The following RIT2 variants were observed in gnomAD, a reference collection of about 807,000 sequenced individuals.
The protein encoded by RIT2 is Ras like without CAAX 2, also known as GTP-binding protein Rit2.
A neutral mutation model predicts 23.7 loss-of-function variants in RIT2; 24 were observed. The ratio of observed to expected loss-of-function variants is 1.01; its 90% CI spans 0.73 to 1.43. The LOEUF (loss-of-function observed/expected upper bound fraction) is 1.43, where lower values mean the gene tolerates loss of function less well. Among genes scored for constraint, RIT2 ranks in the 40% most tolerant of loss-of-function variants. RIT2 has a pLI of 0.00. For missense variants in RIT2, 236 were observed against 266.9 expected (o/e 0.88, Z 0.81); for synonymous variants, 107 against 91.1 (o/e 1.17, Z -0.99).
rs915164359 is a variant in RIT2 at position 42,774,573 on chromosome 18, T to C, written c.427-30853A>G. On this transcript the variant is annotated intron_variant, in intron 4 of 4. Coordinates refer to ENST00000326695, the MANE Select transcript of RIT2 (RefSeq NM_002930.4). Reference sequence around the variant, plus strand: ...ACACAGAGAAATCAGGTCAATCAGGTAGACAGGGATATTTTTTTTGAACAT... The same window carrying C: ...ACACAGAGAAATCAGGTCAATCAGGCAGACAGGGATATTTTTTTTGAACAT... 3.3e-5 allele frequency among the ~76,000 whole-genome samples: 5 copies of C among 151,288 alleles called. No homozygotes were observed. The South Asian group carries it at 1.0e-3, about 32-fold the overall frequency.
rs35389876 is a variant in RIT2, at chr18:42,763,461, CA to C, written c.427-19742del. The stretch of plus-strand genomic sequence containing the variant: ...TGGGCAACAGAGCGAGACTCCGTCT[CA>C]AAAAAAAAAAAAAAGGTACACCTGT... On this transcript the variant is annotated intron_variant, in intron 4 of 4. Transcript: ENST00000326695. Among the ~76,000 whole-genome samples the C allele has an allele frequency of 6.0e-3, 829 of 137,634 alleles. 8 individuals are homozygous for C. Among genetic ancestry groups the C allele is most frequent in the African/African-American group, 0.021 (773 of 37,148 alleles). 90.3% of individuals were successfully genotyped at this position (137,634 alleles called of 152,430 possible). A position where few individuals can be genotyped will look rare whatever the true frequency, so the allele number is the denominator to read the frequency against.
In RIT2 at chr18:42,877,520, C is replaced by CTATATATATATA. The variant is rs144405918; in HGVS notation, c.426+46040_426+46051dup. Reference sequence around the variant, plus strand: ...TATCTCTGTTTTGTGTTTGTATACACTATATATATATATATATATATGCAT... The same window carrying CTATATATATATA: ...TATCTCTGTTTTGTGTTTGTATACACTATATATATATATATATATATATATATATATATGCAT... On this transcript the variant is annotated intron_variant, in intron 4 of 4. Transcript: ENST00000326695. 2.9e-3 allele frequency among the ~76,000 whole-genome samples: 414 copies of CTATATATATATA among 143,768 alleles called. 3 individuals are homozygous for CTATATATATATA. Among genetic ancestry groups the CTATATATATATA allele is most frequent in the Middle Eastern group, 7.2e-3 (2 of 278 alleles). 94.3% of individuals were successfully genotyped at this position (143,768 alleles called of 152,430 possible). A position where few individuals can be genotyped will look rare whatever the true frequency, so the allele number is the denominator to read the frequency against.
intron 4 of RIT2, among the ~76,000 whole-genome samples, chr18:42,851,910 G>C (rs1408159155): frequency 6.6e-6 from 1 of 152,130 alleles, no homozygotes; most frequent in East Asian, 1.9e-4. Context: ...ACTCCCATGG[G>C]TAATATTTGC....
chr18:43,042,930 C>T (rs4538092), intron 1 of RIT2, among the ~76,000 whole-genome samples: 132,654 of 152,082 alleles, frequency 0.87, 58,772 homozygotes, highest in Non-Finnish European at 0.97. Context: ...TAGATAAATA[C>T]AGCATTTTCA....
chr18:42,995,402 C>A (rs768989644), intron 2 of RIT2, among the ~76,000 whole-genome samples: 4 of 152,126 alleles, frequency 2.6e-5, no homozygotes, highest in Non-Finnish European at 5.9e-5. Flanking sequence ...ACTTTCACTG[C>A]ATAGGTAGAG....
At chr18:42,835,395 A>G (rs1245246900) in intron 4 of RIT2, among the ~76,000 whole-genome samples, 1 of 152,098 alleles carries the variant, frequency 6.6e-6, no homozygotes, top group Non-Finnish European at 1.5e-5. Flanking sequence ...TGTAAAAAAT[A>G]TTTCTGGAAA....
At chr18:43,111,970 T>G (rs1913964074) in intron 1 of RIT2, among the ~76,000 whole-genome samples, 1 of 151,576 alleles carries the variant, frequency 6.6e-6, no homozygotes, top group African/African-American at 2.4e-5. Flanking sequence ...CAATATTACA[T>G]ATAATTATAA....
At chr18:42,918,597 T>G (rs1388959221) in intron 4 of RIT2, among the ~76,000 whole-genome samples, 1 of 152,156 alleles carries the variant, frequency 6.6e-6, no homozygotes, top group African/African-American at 2.4e-5. Flanking sequence ...TTTTTTAAGT[T>G]TGAGTGGTAT....
intron 1 of RIT2, among the ~76,000 whole-genome samples, chr18:43,084,608 C>T (rs1227127275): frequency 6.6e-6 from 1 of 152,134 alleles, no homozygotes; most frequent in Admixed American, 6.5e-5. Context: ...TGGAAACCAT[C>T]ATTCTCAGCA....
At chr18:43,112,060 C>T (rs1027868924) in intron 1 of RIT2, among the ~76,000 whole-genome samples, 6 of 151,930 alleles carry the variant, frequency 3.9e-5, no homozygotes, top group East Asian at 1.9e-4. Context: ...AAGATTAAAG[C>T]GGCATAGATG....
intron 1 of RIT2, among the ~76,000 whole-genome samples, chr18:43,098,331 T>C (rs1407469657): frequency 6.6e-6 from 1 of 151,872 alleles, no homozygotes; most frequent in Non-Finnish European, 1.5e-5. Flanking sequence ...AACCAGGGGT[T>C]TAGAAATCAG....
chr18:42,860,600 G>C (rs1263243376), intron 4 of RIT2, among the ~76,000 whole-genome samples: 1 of 152,298 alleles, frequency 6.6e-6, no homozygotes, highest in Middle Eastern at 3.4e-3. Context: ...ATTAGGAAGA[G>C]GATGGGGAGA....
intron 2 of RIT2, among the ~76,000 whole-genome samples, chr18:42,990,955 A>G (rs1333631812): frequency 6.7e-6 from 1 of 148,244 alleles, no homozygotes; most frequent in Non-Finnish European, 1.5e-5. Context: ...AGGAGTACAG[A>G]GATTTTCTTT....
At chr18:42,850,696 T>C (rs1907029128) in intron 4 of RIT2, among the ~76,000 whole-genome samples, 1 of 152,184 alleles carries the variant, frequency 6.6e-6, no homozygotes, top group Non-Finnish European at 1.5e-5. Flanking sequence ...AATATCTACC[T>C]TATTATTTTT....
At chr18:42,961,222 T>C (rs576974571) in intron 3 of RIT2, among the ~76,000 whole-genome samples, 50 of 152,322 alleles carry the variant, frequency 3.3e-4, no homozygotes, top group African/African-American at 1.2e-3. Context: ...TCCAACAACT[T>C]CAGTTTTTTT....
chr18:42,784,807 A>C (rs1206644230), intron 4 of RIT2, among the ~76,000 whole-genome samples: 1 of 152,062 alleles, frequency 6.6e-6, no homozygotes, highest in Non-Finnish European at 1.5e-5. Flanking sequence ...TACTTTAACA[A>C]CATGATTTAT....
In RIT2 at chr18:42,747,701, T is replaced by C. The variant is rs192477991; in HGVS notation, c.427-3981A>G. ...ACTGGTATATAGGCATATAGATAAA[T>C]GGAATAGAATAGAGAACCCAGAAAT... is the stretch of plus-strand genomic sequence containing the variant. On this transcript the variant is annotated intron_variant, in intron 4 of 4. Transcript: ENST00000326695. 1.1e-4 allele frequency among the ~76,000 whole-genome samples: 17 copies of C among 152,018 alleles called. No homozygotes were observed. The East Asian group carries it at 2.1e-3, about 19-fold the overall frequency.
intron 3 of RIT2, among the ~76,000 whole-genome samples, chr18:42,972,169 T>G (rs1910376894): frequency 6.6e-6 from 1 of 151,928 alleles, no homozygotes; most frequent in African/African-American, 2.4e-5. Flanking sequence ...TCCAATTAGA[T>G]CTCTAGTTTC....
chr18:43,026,550 C>CAA (rs35695020), intron 2 of RIT2, among the ~76,000 whole-genome samples: 11 of 97,268 alleles, frequency 1.1e-4, no homozygotes, highest in African/African-American at 3.9e-4. Context: ...AAGACTCTGT[C>CAA]AAAAAAAAAA....
Sources: allele counts gnomAD v4.1 joint callset (sites outside exome capture counted in the v4.1 genomes callset), GRCh38; gene constraint gnomAD v4.1.1; transcripts MANE v1.5; gene names NCBI Gene and HGNC (gene_info 2026-07-23, HGNC 2026-07-21).